ADAMTS3: variants seen among roughly 807,000 people sequenced by gnomAD.
The protein encoded by ADAMTS3 is ADAM metallopeptidase with thrombospondin type 1 motif 3.
ADAMTS3 carries 73 observed loss-of-function variants against 129.0 expected under a neutral mutation model. That is an observed-to-expected ratio of 0.57 (90% CI 0.47 to 0.69). The LOEUF is 0.69. Ranked by LOEUF, ADAMTS3 falls within the 30% of genes least tolerant of loss-of-function variation. ADAMTS3 has a pLI of 0.00. For missense variants in ADAMTS3, 1,457 were observed against 1,514.5 expected (o/e 0.96, Z 0.63); for synonymous variants, 477 against 510.8 (o/e 0.93, Z 0.89).
At chr4:72,345,622 T>C (rs1720260219) in intron 4 of ADAMTS3, among the ~76,000 whole-genome samples, 1 of 152,124 alleles carries the variant, frequency 6.6e-6, no homozygotes, top group African/African-American at 2.4e-5. Context: ...TTTCACTAAG[T>C]ACCTGTTGCT....
intron 3 of ADAMTS3, among the ~76,000 whole-genome samples, chr4:72,469,888 C>T (rs1187551886): frequency 2.6e-5 from 4 of 152,094 alleles, no homozygotes; most frequent in East Asian, 3.9e-4. Flanking sequence ...ATAATATATA[C>T]AACATACGAA....
Position 72,354,444 on chromosome 4 carries a change from C to T in ADAMTS3, c.662-14751G>A, listed in dbSNP as rs532898872. ...TTTCTTTATTGATTCAGTTTTTAAC[C>T]CTACTTTTCATTCCTCTCCACTCTG... On this transcript the variant is annotated intron_variant, in intron 4 of 21. Coordinates refer to ENST00000286657, the MANE Select transcript of ADAMTS3 (RefSeq NM_014243.3). Among the ~76,000 whole-genome samples the T allele has an allele frequency of 2.0e-4, 30 of 152,006 alleles. 2 individuals carry two copies. In the South Asian group the frequency reaches 6.2e-3, roughly 32 times the overall value.
In ADAMTS3 at chr4:72,493,677, T is replaced by C. The variant is rs184952273; in HGVS notation, c.504+54801A>G. The stretch of plus-strand genomic sequence containing the variant: ...CATGTCCATTTGGCTGTATCTGTTA[T>C]ATTTATGCTTTCAAATGCTTTTTGT... On this transcript the variant is annotated intron_variant, in intron 3 of 21. Transcript: ENST00000286657. Among the ~76,000 whole-genome samples the C allele has an allele frequency of 4.1e-3, 631 of 152,254 alleles. 6 individuals are homozygous for C. Among genetic ancestry groups the C allele is most frequent in the Middle Eastern group, 0.01 (3 of 294 alleles).
chr4:72,547,292 AG>A (rs774994757), intron 3 of ADAMTS3, among the ~76,000 whole-genome samples: 3 of 152,182 alleles, frequency 2.0e-5, no homozygotes, highest in Non-Finnish European at 4.4e-5. Flanking sequence ...AGAACAGGAA[AG>A]GGTCAATGCT....
chr4:72,455,819 C>CATATAGTATATATGTATATTTTAT (rs1718539407), intron 3 of ADAMTS3, among the ~76,000 whole-genome samples: 1 of 83,992 alleles, frequency 1.2e-5, no homozygotes, highest in Non-Finnish European at 2.3e-5. Context: ...ATATATTTTA[C>CATATAGTATATATGTATATTTTAT]ATATAGTATA....
intron 3 of ADAMTS3, among the ~76,000 whole-genome samples, chr4:72,454,950 A>G (rs1470047279): frequency 7.9e-5 from 12 of 151,708 alleles, no homozygotes; most frequent in Non-Finnish European, 2.9e-5. Context: ...CAAATAACAA[A>G]ATTTAAACAC....
chr4:72,388,434 C>A (rs949722402), intron 4 of ADAMTS3, among the ~76,000 whole-genome samples: 9 of 152,170 alleles, frequency 5.9e-5, no homozygotes, highest in African/African-American at 2.2e-4. Flanking sequence ...TGCTTCCCTA[C>A]AATGCAATGT....
intron 4 of ADAMTS3, among the ~76,000 whole-genome samples, chr4:72,365,512 T>C (rs1280201524): frequency 1.3e-5 from 2 of 152,214 alleles, no homozygotes; most frequent in African/African-American, 4.8e-5. Context: ...ATATGCATTA[T>C]ATATCAGGGC....
At chr4:72,297,370 TA>T (rs558284494) in intron 18 of ADAMTS3, among the ~76,000 whole-genome samples, 13 of 152,158 alleles carry the variant, frequency 8.5e-5, no homozygotes, top group Non-Finnish European at 1.5e-4. Flanking sequence ...AGATGTCATT[TA>T]AAATACTTAA....
chr4:72,427,028 A>C (rs1195020988), intron 3 of ADAMTS3, among the ~76,000 whole-genome samples: 1 of 152,170 alleles, frequency 6.6e-6, no homozygotes, highest in South Asian at 2.1e-4. Context: ...TATTGCTGCC[A>C]TAACAAATTG....
intron 3 of ADAMTS3, among the ~76,000 whole-genome samples, chr4:72,476,121 A>G (rs767196044): frequency 1.3e-5 from 2 of 151,990 alleles, no homozygotes; most frequent in East Asian, 1.9e-4. Context: ...ATAAGTAAAT[A>G]ATAAAGAGCT....
intron 4 of ADAMTS3, among the ~76,000 whole-genome samples, chr4:72,393,830 A>G (rs1464579609): frequency 6.6e-6 from 1 of 152,264 alleles, no homozygotes; most frequent in African/African-American, 2.4e-5. Context: ...ACAGCTCTTC[A>G]GCATCTATAA....
intron 4 of ADAMTS3, among the ~76,000 whole-genome samples, chr4:72,357,448 A>C (rs2109851106): frequency 6.6e-6 from 1 of 152,090 alleles, no homozygotes; most frequent in Admixed American, 6.6e-5. Flanking sequence ...AAAAAGAACA[A>C]ATTACTACTA....
At chr4:72,522,568 G>A (rs1720702549) in intron 3 of ADAMTS3, among the ~76,000 whole-genome samples, 1 of 152,034 alleles carries the variant, frequency 6.6e-6, no homozygotes, top group South Asian at 2.1e-4. Context: ...CTACTGTGGT[G>A]AAAAAAGAGT....
intron 3 of ADAMTS3, among the ~76,000 whole-genome samples, chr4:72,488,830 A>C (rs1413832737): frequency 6.6e-6 from 1 of 151,862 alleles, no homozygotes; most frequent in African/African-American, 2.4e-5. Flanking sequence ...GCAAATTTCA[A>C]GCATATAATA....
chr4:72,473,476 A>G (rs1037400526), intron 3 of ADAMTS3, among the ~76,000 whole-genome samples: 1 of 151,464 alleles, frequency 6.6e-6, no homozygotes, highest in Non-Finnish European at 1.5e-5. Context: ...TCTCTAGCCA[A>G]TGGTCTAGGA....
chr4:72,457,237 G>A (rs896620800), intron 3 of ADAMTS3, among the ~76,000 whole-genome samples: 1 of 151,674 alleles, frequency 6.6e-6, no homozygotes, highest in Non-Finnish European at 1.5e-5. Context: ...TAACCTACAA[G>A]AAACTGGCAG....
intron 4 of ADAMTS3, among the ~76,000 whole-genome samples, chr4:72,387,969 A>G (rs771514031): frequency 7.9e-5 from 12 of 152,252 alleles, no homozygotes; most frequent in Non-Finnish European, 1.5e-4. Flanking sequence ...GCATAAATCC[A>G]GGTAATTACC....
chr4:72,294,027 ACT>A (rs1718744331), intron 19 of ADAMTS3, among the ~76,000 whole-genome samples: 1 of 152,150 alleles, frequency 6.6e-6, no homozygotes, highest in South Asian at 2.1e-4. Flanking sequence ...AAGAAAGAAC[ACT>A]GAGGAACACG....
Sources: gnomAD v4.1 joint callset for allele counts (sites outside exome capture counted in the v4.1 genomes callset) on GRCh38, gnomAD v4.1.1 for gene constraint, MANE v1.5 for transcripts, NCBI Gene and HGNC (gene_info 2026-07-23, HGNC 2026-07-21) for gene names.